The following CAMTA1 variants were observed in gnomAD, a reference collection of about 807,000 sequenced individuals.
The protein encoded by CAMTA1 is calmodulin binding transcription activator 1, also known as calmodulin-binding transcription activator 1.
A neutral mutation model predicts 170.9 loss-of-function variants in CAMTA1; 27 were observed. The ratio of observed to expected loss-of-function variants is 0.16; its 90% CI spans 0.12 to 0.22. CAMTA1 has a LOEUF of 0.22. CAMTA1 is among the 10% of genes least tolerant of loss of function. The pLI is 1.00. For missense variants in CAMTA1, 1,619 were observed against 2,217.2 expected (o/e 0.73, Z 5.42); for synonymous variants, 833 against 891.5 (o/e 0.93, Z 1.17).
rs2096772502 is a variant in CAMTA1, at chr1:7,736,351, C to T, written c.3074C>T (p.Ser1025Phe). 1 of 1,613,926 alleles carries T rather than the reference C, an allele frequency of 6.2e-7. No individual in the cohort carries two copies. Among genetic ancestry groups the T allele is most frequent in the African/African-American group, 1.3e-5 (1 of 75,048 alleles). Residue 1025 changes from serine (S) to phenylalanine (F), a missense_variant, in exon 13 of 23, where the codon TCT becomes TTT. Ser to Phe is a radical substitution (Grantham distance 155). Transcript: ENST00000303635. This position sits in a 1 kb window ranked among gnomAD's most constrained non-coding sequence, Gnocchi z 4.5. ...TGCGCTTTTTTGTGACAGTGTGCTT[C>T]TGGGACTGGGGCCTTGGGGAGCTGC... ...GNGGSQAQCASGTGALGSCFE... is the reference protein window; with the variant it reads ...GNGGSQAQCAFGTGALGSCFE...
chr1:7,026,341 A>G (rs1442011664), intron 3 of CAMTA1, among the ~76,000 whole-genome samples: 6 of 151,656 alleles, frequency 4.0e-5, no homozygotes, highest in African/African-American at 1.2e-4. Flanking sequence ...TGATATTCCT[A>G]TATGTCCAGG....
intron 6 of CAMTA1, among the ~76,000 whole-genome samples, chr1:7,546,201 C>T (rs1408625870): frequency 6.6e-6 from 1 of 152,140 alleles, no homozygotes; most frequent in Admixed American, 6.5e-5. Flanking sequence ...CGTGATCCAC[C>T]CACCTCAGCC....
At chr1:7,697,354 A>G (rs1482282479) in intron 11 of CAMTA1, among the ~76,000 whole-genome samples, 1 of 152,218 alleles carries the variant, frequency 6.6e-6, no homozygotes. Flanking sequence ...TCTATTGACG[A>G]GGAGCCTGAA....
At chr1:7,075,544 TCCCGG>T (rs1278684366) in intron 3 of CAMTA1, among the ~76,000 whole-genome samples, 2 of 152,170 alleles carry the variant, frequency 1.3e-5, no homozygotes, top group Non-Finnish European at 2.9e-5. Flanking sequence ...ATCGCTCCCT[TCCCGG>T]CCCTGTGCTC....
rs1056897218 is a variant in CAMTA1 at position 7,104,001 on chromosome 1, C to G, written c.302+12630C>G. On this transcript the variant is annotated intron_variant, in intron 4 of 22. Transcript: ENST00000303635. ...CACAACACACAAGTACACACATGAA[C>G]ACAACACACTACACACATGTACACA... Among the ~76,000 whole-genome samples the G allele has an allele frequency of 5.3e-5, 8 of 150,730 alleles. 1 individual carries two copies. The highest frequency in any genetic ancestry group is 3.9e-4 in the East Asian group (2 of 5,104).
intron 11 of CAMTA1, among the ~76,000 whole-genome samples, chr1:7,704,607 T>C (rs936593801): frequency 2.7e-5 from 4 of 148,324 alleles, no homozygotes; most frequent in African/African-American, 9.8e-5. Flanking sequence ...TCTGCCCGGC[T>C]CCGGGTGACG....
chr1:7,122,899 A>C (rs1158178685), intron 4 of CAMTA1, among the ~76,000 whole-genome samples: 3 of 151,644 alleles, frequency 2.0e-5, no homozygotes, highest in Non-Finnish European at 4.4e-5. Context: ...TCCCTTTTAT[A>C]CCCATCCCCA....
intron 5 of CAMTA1, among the ~76,000 whole-genome samples, chr1:7,301,031 A>G (rs905124541): frequency 6.6e-6 from 1 of 152,136 alleles, no homozygotes; most frequent in Non-Finnish European, 1.5e-5. Flanking sequence ...GCACTTTCTA[A>G]ATATGAGTCA....
chr1:7,256,001 G>C (rs545345704), intron 5 of CAMTA1, among the ~76,000 whole-genome samples: 1 of 152,146 alleles, frequency 6.6e-6, no homozygotes, highest in Admixed American at 6.5e-5. Context: ...CTGTTCAGGG[G>C]CACCTCAGGG....
chr1:7,020,333 G>GT (rs1189636922), intron 3 of CAMTA1, among the ~76,000 whole-genome samples: 1 of 152,144 alleles, frequency 6.6e-6, no homozygotes, highest in African/African-American at 2.4e-5. Context: ...CTTACCATGT[G>GT]TAACAGTTGC....
intron 6 of CAMTA1, among the ~76,000 whole-genome samples, chr1:7,553,502 T>C (rs2150199629): frequency 1.3e-5 from 2 of 152,328 alleles, no homozygotes; most frequent in South Asian, 4.1e-4. Flanking sequence ...CCTAGTGGAC[T>C]GAAAGATTGA....
chr1:6,848,427 G>T (rs924360516), intron 3 of CAMTA1, among the ~76,000 whole-genome samples: 1 of 152,216 alleles, frequency 6.6e-6, no homozygotes, highest in African/African-American at 2.4e-5. Context: ...GGGATTACAG[G>T]CATAAGCTAC....
Position 7,056,386 on chromosome 1 carries a change from AGGGG to A in CAMTA1, c.235-34916_235-34913del, listed in dbSNP as rs1707326804. 6.8e-4 allele frequency among the ~76,000 whole-genome samples: 103 copies of A among 152,302 alleles called. 1 individual carries two copies. The highest frequency in any genetic ancestry group is 6.6e-3 in the Admixed American group (101 of 15,306). ...GAGAAGATGCAGCCCCCAGGTGGGAAGGGGGCTCATGAGCTGACCCATCAGGCTG... is the reference window on the plus strand; with the variant it reads ...GAGAAGATGCAGCCCCCAGGTGGGAAGCTCATGAGCTGACCCATCAGGCTG... On this transcript the variant is annotated intron_variant, in intron 3 of 22. Transcript: ENST00000303635.
At chr1:6,832,750 T>G (rs1224855051) in intron 3 of CAMTA1, among the ~76,000 whole-genome samples, 2 of 152,176 alleles carry the variant, frequency 1.3e-5, no homozygotes, top group Admixed American at 6.5e-5. Flanking sequence ...CCCAGATTAT[T>G]TTGTTCCAGG....
At chr1:7,034,601 C>T (rs1209388882) in intron 3 of CAMTA1, among the ~76,000 whole-genome samples, 1 of 152,222 alleles carries the variant, frequency 6.6e-6, no homozygotes, top group Non-Finnish European at 1.5e-5. Flanking sequence ...ACACTCTGCC[C>T]TGTGACCTCT....
intron 5 of CAMTA1, among the ~76,000 whole-genome samples, chr1:7,411,811 G>T (rs2149263452): frequency 6.6e-6 from 1 of 151,900 alleles, no homozygotes; most frequent in East Asian, 1.9e-4. Flanking sequence ...ACAATGTGCA[G>T]GTTTGTTACA....
At position 7,738,522 on chromosome 1, in the gene CAMTA1, C is replaced by T. The variant is rs374366563; in HGVS notation, c.4182+40C>T. 35 of 1,582,056 alleles carry T rather than the reference C, an allele frequency of 2.2e-5. No homozygotes were observed. The African/African-American group carries it at 3.0e-4, about 13-fold the overall frequency. On this transcript the variant is annotated intron_variant, in intron 16 of 22. Coordinates refer to ENST00000303635, the MANE Select transcript of CAMTA1 (RefSeq NM_015215.4). This position sits in a 1 kb window ranked among gnomAD's most constrained non-coding sequence, Gnocchi z 4.9. Reference sequence around the variant, plus strand: ...CAGGGTAAGCCCGCAGAGGCTGGTGCGTTCCAGTTGCTGTGATCTTTATGG... The same window carrying T: ...CAGGGTAAGCCCGCAGAGGCTGGTGTGTTCCAGTTGCTGTGATCTTTATGG...
At chr1:7,551,285 A>G (rs2094798384) in intron 6 of CAMTA1, among the ~76,000 whole-genome samples, 1 of 132,278 alleles carries the variant, frequency 7.6e-6, no homozygotes, top group Non-Finnish European at 1.6e-5. Flanking sequence ...GCCAAAGGAC[A>G]TGTGTGCGCA....
intron 3 of CAMTA1, among the ~76,000 whole-genome samples, chr1:6,938,828 G>C (rs962617287): frequency 6.6e-6 from 1 of 152,180 alleles, no homozygotes; most frequent in African/African-American, 2.4e-5. Flanking sequence ...ATGGCTTCAT[G>C]CTTCTTGGCT....
Sources: gnomAD v4.1 joint callset for allele counts (sites outside exome capture counted in the v4.1 genomes callset) on GRCh38, gnomAD v4.1.1 for gene constraint, Gnocchi (gnomAD v3.1) non-coding constraint, MANE v1.5 for transcripts, NCBI Gene and HGNC (gene_info 2026-07-23, HGNC 2026-07-21) for gene names.